Variants in PTCD3 observed in about 807,000 individuals in gnomAD.
The protein encoded by PTCD3 is small ribosomal subunit protein mS39.
Under a neutral mutation model 101.9 loss-of-function variants are expected in PTCD3, and 89 were observed. That is an observed-to-expected ratio of 0.87 (90% CI 0.74 to 1.04). The LOEUF is 1.04. Among genes scored for constraint, PTCD3 ranks in the 50% least tolerant of loss-of-function variants. PTCD3 has a pLI of 0.00. For missense variants in PTCD3, 870 were observed against 828.2 expected, an observed-to-expected ratio of 1.05 and a Z score of -0.62; for synonymous variants, 296 against 278.5, an observed-to-expected ratio of 1.06 and a Z score of -0.63.
intron 13 of PTCD3, 60 bp downstream of exon 13, chr2:86,127,365 G>A: frequency 6.6e-7 from 1 of 1,513,912 alleles, no homozygotes; most frequent in Non-Finnish European, 8.9e-7. Context: ...AGGTTTCAGG[G>A]CTACATAAGC....
rs1673938086 is a variant in PTCD3 at position 86,106,255 on chromosome 2, T to C, written c.8T>C (p.Val3Ala). The change falls in exon 1 of 24, where the codon GTT becomes GCT. Residue 3 changes from valine to alanine, a missense_variant. By Grantham distance (64) the Val-to-Ala change is moderately conservative. Coordinates refer to ENST00000254630, the MANE Select transcript of PTCD3 (RefSeq NM_017952.6). ...TCTGCAGAGAAATCAAAGATGGCGGTTGTATCTGCTGTTCGCTGGCTGGGC... is the reference window on the plus strand; with the variant it reads ...TCTGCAGAGAAATCAAAGATGGCGGCTGTATCTGCTGTTCGCTGGCTGGGC... MA[V>A]VSAVRWLGLR... 2 of 1,613,820 alleles carry C rather than the reference T, an allele frequency of 1.2e-6. No individual in the cohort carries two copies. The highest frequency in any genetic ancestry group is 1.3e-5 in the African/African-American group (1 of 74,894).
At chr2:86,126,028 G>C in intron 12 of PTCD3, 148 bp downstream of exon 12, 1 of 507,546 alleles carries the variant, frequency 2.0e-6, no homozygotes, top group Non-Finnish European at 3.6e-6. Flanking sequence ...CCAGGAGTTG[G>C]AGACCAGCCT....
intron 8 of PTCD3, among the ~76,000 whole-genome samples, chr2:86,122,030 C>G (rs555028123): frequency 6.6e-6 from 1 of 152,306 alleles, no homozygotes; most frequent in African/African-American, 2.4e-5. Flanking sequence ...GCCTCTCTCT[C>G]GACTCGCGAA....
At chr2:86,129,174 C>G (rs534835438) in intron 14 of PTCD3, among the ~76,000 whole-genome samples, 4 of 152,082 alleles carry the variant, frequency 2.6e-5, no homozygotes, top group Non-Finnish European at 5.9e-5. Flanking sequence ...TTTACTCAAC[C>G]TTGGTGAGAT....
chr2:86,118,813 C>T (rs1674225850), intron 6 of PTCD3, 108 bp from the exon 7 acceptor site: 7 of 1,205,678 alleles, frequency 5.8e-6, no homozygotes, highest in Non-Finnish European at 7.0e-6. Context: ...TGAATTGGAG[C>T]AGTGAAGTTT....
rs1163480735 is a variant in PTCD3 at position 86,132,410 on chromosome 2, T to C, written c.1359T>C (p.His453=). ...GGAAATTCATTGGACCTGATCAACA[T>C]CGTAATTTCTATTAGTAAGTGTGTT... is the stretch of plus-strand genomic sequence containing the variant. ...DNWKFIGPDQ[H]RNFYYSKFFD... Residue 453 remains histidine (H), a synonymous_variant, in exon 17 of 24, where the codon CAT becomes CAC. Coordinates refer to ENST00000254630, the MANE Select transcript of PTCD3 (RefSeq NM_017952.6). The C allele has an allele frequency of 6.3e-7, 1 of 1,589,632 alleles. No homozygotes were observed. The highest frequency in any genetic ancestry group is 8.6e-7 in the Non-Finnish European group (1 of 1,158,282).
At position 86,117,137 on chromosome 2, in the gene PTCD3, A is replaced by T. The variant is rs757610108; in HGVS notation, c.392A>T (p.Asp131Val). The T allele has an allele frequency of 1.5e-6, 2 of 1,304,564 alleles. No individual in the cohort carries two copies. Among genetic ancestry groups the T allele is most frequent in the East Asian group, 2.3e-5 (1 of 43,368 alleles). 80.8% of individuals were successfully genotyped at this position (1,304,564 alleles called of 1,614,324 possible). ...TCATACCCCAAATATTTTCAGAAGGACATAGCTGAACCTCATATACCGGTA... is the reference window on the plus strand; with the variant it reads ...TCATACCCCAAATATTTTCAGAAGGTCATAGCTGAACCTCATATACCGGTA... ...INSYPKYFQK[D>V]IAEPHIPCLM... The change falls in exon 6 of 24, where the codon GAC (aspartate) becomes GTC (valine). Residue 131 changes from aspartate (D) to valine (V), a missense_variant. Physicochemically the swap from Asp to Val is radical, Grantham distance 152. Coordinates refer to ENST00000254630, the MANE Select transcript of PTCD3 (RefSeq NM_017952.6).
At position 86,127,160 on chromosome 2, in the gene PTCD3, G is replaced by A; in HGVS notation, c.952-1G>A. 6.2e-7 allele frequency: 1 copy of A among 1,609,128 alleles called. No individual in the cohort carries two copies. Among genetic ancestry groups the A allele is most frequent in the Non-Finnish European group, 8.5e-7 (1 of 1,177,870 alleles). ...ATACTTCTTGTTTTTTATTCACCTAGGAGCTGCTAAGACACATGGTTGCAC... is the reference window on the plus strand; with the variant it reads ...ATACTTCTTGTTTTTTATTCACCTAAGAGCTGCTAAGACACATGGTTGCAC... On this transcript the variant is annotated splice_acceptor_variant, in intron 12 of 23. Transcript: ENST00000254630. LOFTEE classifies it high-confidence loss of function.
rs976006558 is a variant in PTCD3, at chr2:86,112,411, GTAATCCCATCAC to G, written c.240+1267_240+1278del. Among the ~76,000 whole-genome samples the G allele has an allele frequency of 4.4e-4, 65 of 147,298 alleles. No homozygotes were observed. In the East Asian group the frequency reaches 5.3e-3, roughly 12 times the overall value. ...TGGCCAGGAGCAGTGGCTCACATCT[GTAATCCCATCAC>G]TAATCCCATCACTTTGGGAGACCGA... On this transcript the variant is annotated intron_variant, in intron 4 of 23. Transcript: ENST00000254630.
At chr2:86,130,973 T>C (rs1489698153) in intron 15 of PTCD3, 105 bp from the exon 16 acceptor site, 1 of 1,400,388 alleles carries the variant, frequency 7.1e-7, no homozygotes, top group Non-Finnish European at 9.8e-7. Context: ...CTTAGCTTTA[T>C]CTTGCATGTT....
chr2:86,113,419 A>G (rs576672397), intron 4 of PTCD3, among the ~76,000 whole-genome samples: 2 of 152,290 alleles, frequency 1.3e-5, no homozygotes, highest in South Asian at 4.1e-4. Context: ...TTTTTCTGCC[A>G]CAGTATCTGT....
At chr2:86,123,256 T>C (rs1276885439) in intron 8 of PTCD3, among the ~76,000 whole-genome samples, 3 of 82,552 alleles carry the variant, frequency 3.6e-5, no homozygotes, top group African/African-American at 1.1e-4. Context: ...AGCGAGACTC[T>C]GTCTTAAAAA....
Position 86,127,233 on chromosome 2 carries a change from C to T in PTCD3, c.1024C>T (p.Leu342Phe). 1.9e-6 allele frequency: 3 copies of T among 1,613,578 alleles called. No individual in the cohort carries two copies. Among genetic ancestry groups the T allele is most frequent in the Non-Finnish European group, 2.5e-6 (3 of 1,179,512 alleles). Reference protein sequence around the residue: ...LQTFNTILKCLRRFHVFARSP... With the variant: ...LQTFNTILKCFRRFHVFARSP... ...GACTTTTAATACCATTCTGAAATGT[C>T]TCCGAAGATTTCATGTGTTTGCAAG... The change falls in exon 13 of 24, where the codon CTC becomes TTC. Residue 342 changes from leucine to phenylalanine, a missense_variant. Physicochemically the swap from Leu to Phe is conservative, Grantham distance 22 (BLOSUM62 0). Coordinates refer to ENST00000254630, the MANE Select transcript of PTCD3 (RefSeq NM_017952.6).
rs1324212434 is a variant in PTCD3 at position 86,141,896 on chromosome 2, C to T, written c.*4337C>T. On this transcript the variant is annotated 3_prime_UTR_variant, in exon 24 of 24. Transcript: ENST00000254630. Reference sequence around the variant, plus strand: ...CCTGGCCCTTGGGACTCCATCATCTCCTTGAAGTAGCACTGAGAATCCAAG... The same window carrying T: ...CCTGGCCCTTGGGACTCCATCATCTTCTTGAAGTAGCACTGAGAATCCAAG... The T allele has an allele frequency of 6.6e-6, 1 of 152,214 alleles. No individual in the cohort carries two copies. The highest frequency in any genetic ancestry group is 1.5e-5 in the Non-Finnish European group (1 of 68,060). The allele number at this position is 152,214 out of a possible 1,614,324, so 9.4% of individuals were successfully genotyped here. A position where few individuals can be genotyped will look rare whatever the true frequency, so the allele number is the denominator to read the frequency against.
At position 86,139,215 on chromosome 2, in the gene PTCD3, C is replaced by T. The variant is rs1573861659; in HGVS notation, c.*1656C>T. 1 of 152,130 alleles carries T rather than the reference C, an allele frequency of 6.6e-6. No homozygotes were observed. The highest frequency in any genetic ancestry group is 1.9e-4 in the East Asian group (1 of 5,192). The allele number at this position is 152,130 out of a possible 1,614,324, so 9.4% of individuals were successfully genotyped here. A position where few individuals can be genotyped will look rare whatever the true frequency, so the allele number is the denominator to read the frequency against. Reference sequence around the variant, plus strand: ...GCCTCTACTATGAGTAAAATGTTCTCTTCGGCCGGGTGTGGTGACTCACAC... The same window carrying T: ...GCCTCTACTATGAGTAAAATGTTCTTTTCGGCCGGGTGTGGTGACTCACAC... On this transcript the variant is annotated 3_prime_UTR_variant, in exon 24 of 24. Transcript: ENST00000254630.
intron 17 of PTCD3, 197 bp downstream of exon 17, chr2:86,132,621 GGTT>G: frequency 8.4e-6 from 3 of 356,872 alleles, no homozygotes; most frequent in Non-Finnish European, 1.4e-5. Context: ...GTCCTTTAAG[GGTT>G]TTTTTTTTTT....
intron 3 of PTCD3, 173 bp from the exon 4 acceptor site, chr2:86,110,940 A>G (rs1674066653): frequency 1.3e-6 from 1 of 759,774 alleles, no homozygotes. Flanking sequence ...AACTAGGGGA[A>G]AGAACCAGCA....
chr2:86,111,117 A>G lies in PTCD3; in HGVS notation c.199A>G (p.Lys67Glu), dbSNP rs377079759. 7.4e-6 allele frequency: 12 copies of G among 1,613,292 alleles called. No homozygotes were observed. The highest frequency in any genetic ancestry group is 1.0e-5 in the Non-Finnish European group (12 of 1,179,372). ...VVIPKKKTWD[K>E]VAVLQALAST... is the part of the protein sequence containing the mutation. ...ACTTGTGGTTCTTATTTTTAGGGAT[A>G]AAGTAGCCGTTCTTCAGGCACTTGC... The change falls in exon 4 of 24, where the codon AAA (lysine) becomes GAA (glutamate). Residue 67 changes from lysine (K) to glutamate (E), a missense_variant. By Grantham distance (56) the Lys-to-Glu change is moderately conservative (BLOSUM62 1). Coordinates refer to ENST00000254630, the MANE Select transcript of PTCD3 (RefSeq NM_017952.6).
intron 1 of PTCD3, among the ~76,000 whole-genome samples, chr2:86,106,908 G>A (rs1049161081): frequency 2.0e-5 from 3 of 152,136 alleles, no homozygotes; most frequent in African/African-American, 7.2e-5. Context: ...ACAAACAGTG[G>A]CATTGTGGGA....
Sources: allele counts gnomAD v4.1 joint callset (sites outside exome capture counted in the v4.1 genomes callset), GRCh38; gene constraint gnomAD v4.1.1; transcripts MANE v1.5; gene names NCBI Gene and HGNC (gene_info 2026-07-23, HGNC 2026-07-21).